The following TRIM67 variants were observed in gnomAD, a reference collection of about 807,000 sequenced individuals.
TRIM67 encodes tripartite motif containing 67.
In TRIM67, 39 loss-of-function variants were observed where a neutral mutation model predicts 71.0. The observed-to-expected ratio is 0.55, with a 90% CI of 0.43 to 0.72. The LOEUF (loss-of-function observed/expected upper bound fraction) is 0.72, where lower values mean the gene tolerates loss of function less well. Among genes scored for constraint, TRIM67 ranks in the 30% least tolerant of loss-of-function variants. The pLI is 0.00. For synonymous variants in TRIM67, 481 were observed against 473.9 expected (o/e 1.01, Z -0.19); for missense variants, 973 against 1,079.2 (o/e 0.90, Z 1.38).
chr1:231,190,256 G>C (rs1284880195), intron 1 of TRIM67, among the ~76,000 whole-genome samples: 1 of 152,174 alleles, frequency 6.6e-6, no homozygotes, highest in Non-Finnish European at 1.5e-5. Flanking sequence ...GTGGCAGCAG[G>C]CTCCATGTAG....
rs987819682 is a variant in TRIM67 at position 231,162,684 on chromosome 1, G to A, written c.-286G>A. On this transcript the variant is annotated 5_prime_UTR_variant, in exon 1 of 10. Transcript: ENST00000366653. ...TAAAGCTCCTCGCAGGCCACCGCGA[G>A]GGCAGCCGACCGGCTCCGGAATCTG... 6.7e-6 allele frequency: 3 copies of A among 447,564 alleles called. No homozygotes were observed. Among genetic ancestry groups the A allele is most frequent in the African/African-American group, 6.3e-5 (3 of 47,754 alleles). 27.7% of individuals were successfully genotyped at this position (447,564 alleles called of 1,614,324 possible). A position where few individuals can be genotyped will look rare whatever the true frequency, so the allele number is the denominator to read the frequency against.
chr1:231,185,360 T>C, intron 1 of TRIM67: 1 of 854,444 alleles, frequency 1.2e-6, no homozygotes, highest in South Asian at 1.8e-5. Context: ...GTTTTCCTCA[T>C]CTGAAGTGGG....
chr1:231,182,616 G>A (rs1401013392), intron 1 of TRIM67, among the ~76,000 whole-genome samples: 1 of 152,132 alleles, frequency 6.6e-6, no homozygotes, highest in Non-Finnish European at 1.5e-5. Flanking sequence ...GCAGATGAAT[G>A]GCAAGGGCAC....
chr1:231,197,053 C>T (rs970061595), intron 1 of TRIM67, among the ~76,000 whole-genome samples: 5 of 152,188 alleles, frequency 3.3e-5, no homozygotes, highest in African/African-American at 1.2e-4. Context: ...AAGCCAAGGA[C>T]TCTATTTATC....
At position 231,162,203 on chromosome 1, in the gene TRIM67, C is replaced by A. The variant is rs1682303670; in HGVS notation, c.-767C>A. ...AAGGTCAGAGGCGCCGCAGGAGCAG[C>A]AGCTGGGAACCAGGGAAGCGGGTCA... On this transcript the variant is annotated 5_prime_UTR_variant, in exon 1 of 10. Transcript: ENST00000366653. 3 of 152,336 alleles carry A rather than the reference C, an allele frequency of 2.0e-5. No homozygotes were observed. Among genetic ancestry groups the A allele is most frequent in the African/African-American group, 7.2e-5 (3 of 41,562 alleles). The allele number at this position is 152,336 out of a possible 1,614,324, so 9.4% of individuals were successfully genotyped here.
chr1:231,214,096 C>G (rs2102766102), intron 9 of TRIM67, 119 bp downstream of exon 9: 1 of 1,231,690 alleles, frequency 8.1e-7, no homozygotes, highest in East Asian at 2.6e-5. Context: ...CCTTCCCAGA[C>G]AGAGCTTATC....
chr1:231,218,627 T>C lies in TRIM67; in HGVS notation c.*3187T>C, dbSNP rs1243400460. ...CTCCTTGGGAAAATAATGATTCCAATTAAAGAGGACACCAGTAATACTGAC... is the reference window on the plus strand; with the variant it reads ...CTCCTTGGGAAAATAATGATTCCAACTAAAGAGGACACCAGTAATACTGAC... On this transcript the variant is annotated 3_prime_UTR_variant, in exon 10 of 10. Transcript: ENST00000366653. The C allele has an allele frequency of 4.1e-6, 4 of 985,326 alleles. No homozygotes were observed. Among genetic ancestry groups the C allele is most frequent in the Non-Finnish European group, 4.8e-6 (4 of 829,954 alleles). The allele number at this position is 985,326 out of a possible 1,614,324, so 61.0% of individuals were successfully genotyped here.
In TRIM67 at chr1:231,163,620, G is replaced by A. The variant is rs1210682543; in HGVS notation, c.651G>A (p.Glu217=). 8 of 1,519,898 alleles carry A rather than the reference G, an allele frequency of 5.3e-6. No individual in the cohort carries two copies. Among genetic ancestry groups the A allele is most frequent in the Non-Finnish European group, 7.0e-6 (8 of 1,137,152 alleles). 94.2% of individuals were successfully genotyped at this position (1,519,898 alleles called of 1,614,324 possible). ...AGCTGTGCGACCGCACCCCGCCAGA[G>A]CCAGCAGCCACGCTCTGCGAGCAGT... ...ICQLCDRTPP[E]PAATLCEQCD... The change falls in exon 1 of 10, where the codon GAG becomes GAA. Residue 217 remains glutamate, a synonymous_variant. Transcript: ENST00000366653.
At chr1:231,197,488 G>A (rs776054889) in intron 2 of TRIM67, 22 bp downstream of exon 2, 15 of 1,606,258 alleles carry the variant, frequency 9.3e-6, no homozygotes, top group Non-Finnish European at 1.2e-5. Flanking sequence ...TCTGGCGTCG[G>A]GAGAAATACT....
intron 8 of TRIM67, among the ~76,000 whole-genome samples, chr1:231,213,391 T>A (rs1341120799): frequency 6.6e-6 from 1 of 152,142 alleles, no homozygotes; most frequent in Non-Finnish European, 1.5e-5. Context: ...CACCACCACC[T>A]TGGGGACTAT....
At chr1:231,174,152 C>CTTTTTTTTTTTTTTTTTTTTTTTT (rs35651112) in intron 1 of TRIM67, among the ~76,000 whole-genome samples, 5 of 127,352 alleles carry the variant, frequency 3.9e-5, no homozygotes, top group East Asian at 2.3e-4. Context: ...GTCTTATTTT[C>CTTTTTTTTTTTTTTTTTTTTTTTT]TTTTTTTTTT....
chr1:231,182,369 C>A (rs1028632479), intron 1 of TRIM67, among the ~76,000 whole-genome samples: 1 of 151,914 alleles, frequency 6.6e-6, no homozygotes, highest in Non-Finnish European at 1.5e-5. Flanking sequence ...TTAAACCAGC[C>A]TGGGAAACAC....
rs905469275 is a variant in TRIM67, at chr1:231,200,087, C to T, written c.1264-61C>T. ...ATTGGCACTAGTTCTCTGACTCTTG[C>T]GGTGGCCTGCCTGTTCTTCCTCTCA... On this transcript the variant is annotated intron_variant, in intron 3 of 9. Transcript: ENST00000366653. The T allele has an allele frequency of 2.8e-5, 36 of 1,299,130 alleles. No individual in the cohort carries two copies. The African/African-American group carries it at 2.9e-4, about 10-fold the overall frequency. The allele number at this position is 1,299,130 out of a possible 1,614,324, so 80.5% of individuals were successfully genotyped here. A position where few individuals can be genotyped will look rare whatever the true frequency, so the allele number is the denominator to read the frequency against.
chr1:231,169,368 CTTT>C (rs775082418), intron 1 of TRIM67, among the ~76,000 whole-genome samples: 1,197 of 81,614 alleles, frequency 0.015, 22 homozygotes, highest in African/African-American at 0.052. Context: ...ATTCTTTTCT[CTTT>C]TTTTTTTTTT....
At chr1:231,201,635 G>A in intron 5 of TRIM67, 118 bp downstream of exon 5, 3 of 1,279,550 alleles carry the variant, frequency 2.3e-6, no homozygotes, top group Non-Finnish European at 3.2e-6. Flanking sequence ...CAGGGTGGGA[G>A]AGCAGGAGCG....
In TRIM67 at chr1:231,175,091, G is replaced by A. The variant is rs111456854; in HGVS notation, c.1044+11078G>A. ...CACACAATAAAGAGAACTTTGCCTG[G>A]TGCAGACAGTGCAGCCATTCATCAT... On this transcript the variant is annotated intron_variant, in intron 1 of 9. Coordinates refer to ENST00000366653, the MANE Select transcript of TRIM67 (RefSeq NM_001004342.5). Among the ~76,000 whole-genome samples, 412 of 152,282 alleles carry A rather than the reference G, an allele frequency of 2.7e-3. 1 individual carries two copies. Among genetic ancestry groups the A allele is most frequent in the Admixed American group, 5.6e-3 (85 of 15,284 alleles).
Position 231,163,365 on chromosome 1 carries a change from C to A in TRIM67, c.396C>A (p.Pro132=), listed in dbSNP as rs1046313404. 13 of 1,533,718 alleles carry A rather than the reference C, an allele frequency of 8.5e-6. No individual in the cohort carries two copies. Among genetic ancestry groups the A allele is most frequent in the Admixed American group, 4.0e-5 (2 of 49,758 alleles). Residue 132 remains proline, a synonymous_variant, in exon 1 of 10, where the codon CCC becomes CCA. Coordinates refer to ENST00000366653, the MANE Select transcript of TRIM67 (RefSeq NM_001004342.5). ...GGGTTCGCGTGCTGCCCATGGTGCCCGCACCACCCGGCTCCTCGGCTGCGG... is the reference window on the plus strand; with the variant it reads ...GGGTTCGCGTGCTGCCCATGGTGCCAGCACCACCCGGCTCCTCGGCTGCGG... ...PNGVRVLPMV[P]APPGSSAAAA... is the part of the protein sequence containing the mutation.
At position 231,219,946 on chromosome 1, in the gene TRIM67, C is replaced by T; in HGVS notation, c.*4506C>T. 6 of 1,289,882 alleles carry T rather than the reference C, an allele frequency of 4.7e-6. No individual in the cohort carries two copies. The highest frequency in any genetic ancestry group is 6.1e-6 in the Non-Finnish European group (6 of 988,886). The allele number at this position is 1,289,882 out of a possible 1,614,324, so 79.9% of individuals were successfully genotyped here. The stretch of plus-strand genomic sequence containing the variant: ...AAGTTCAGCCCTCGGTTACTTCCCT[C>T]TTTTAACCTGGCTTTAATAGTGATT... On this transcript the variant is annotated 3_prime_UTR_variant, in exon 10 of 10. Transcript: ENST00000366653.
At chr1:231,173,918 G>A (rs996323544) in intron 1 of TRIM67, among the ~76,000 whole-genome samples, 2 of 152,106 alleles carry the variant, frequency 1.3e-5, no homozygotes, top group Admixed American at 1.3e-4. Flanking sequence ...AGAGGCTTAT[G>A]CATTCATATC....
Sources: gnomAD v4.1 joint callset for allele counts (sites outside exome capture counted in the v4.1 genomes callset) on GRCh38, gnomAD v4.1.1 for gene constraint, MANE v1.5 for transcripts, NCBI Gene and HGNC (gene_info 2026-07-23, HGNC 2026-07-21) for gene names.